YIPF6: variants seen among roughly 807,000 people sequenced by gnomAD.
YIPF6 encodes the protein protein YIPF6.
A neutral mutation model predicts 16.8 loss-of-function variants in YIPF6; 3 were observed. That is an observed-to-expected ratio of 0.18 (90% confidence interval 0.08 to 0.46). The LOEUF (loss-of-function observed/expected upper bound fraction) is 0.46. Ranked by LOEUF, YIPF6 falls within the 20% of genes least tolerant of loss-of-function variation. The pLI is 0.98. For synonymous variants in YIPF6, 67 were observed against 61.9 expected, an observed-to-expected ratio of 1.08 and a Z score of -0.38; for missense variants, 145 against 184.9, an observed-to-expected ratio of 0.78 and a Z score of 1.25.
intron 4 of YIPF6, 147 bp from the exon 5 acceptor site, chrX:68,521,225 C>A: frequency 1.5e-6 from 1 of 681,937 alleles, no homozygotes; most frequent in Non-Finnish European, 2.0e-6. Flanking sequence ...ATGCTTGTGT[C>A]ATTTTCCTTT....
chrX:68,516,166 C>T (rs890417210), intron 3 of YIPF6, among the ~76,000 whole-genome samples: 3 of 111,488 alleles, frequency 2.7e-5, no homozygotes, highest in Non-Finnish European at 5.7e-5. Context: ...TTTTTAGAGA[C>T]AGGGTCTTGC....
chrX:68,520,808 C>T (rs774959339), intron 4 of YIPF6, among the ~76,000 whole-genome samples: 1 of 111,111 alleles, frequency 9.0e-6, no homozygotes, highest in Admixed American at 9.7e-5. Context: ...AAATCTTAAC[C>T]CAAGAACTAC....
At chrX:68,521,604 C>T in intron 5 of YIPF6, 107 bp downstream of exon 5, 2 of 858,490 alleles carry the variant, frequency 2.3e-6, no homozygotes, top group South Asian at 5.3e-5. Context: ...GACAGGGTGT[C>T]ACTCTGTCAC....
Position 68,532,580 on chromosome X carries a change from G to A in YIPF6, c.*581G>A, listed in dbSNP as rs1294630432. 2 of 102,655 alleles carry A rather than the reference G, an allele frequency of 1.9e-5. No homozygotes were observed. The highest frequency in any genetic ancestry group is 3.9e-5 in the Non-Finnish European group (2 of 51,363). 8.5% of individuals were successfully genotyped at this position (102,655 alleles called of 1,213,427 possible). On this transcript the variant is annotated 3_prime_UTR_variant, in exon 7 of 7. Transcript: ENST00000462683. ...AACCAATATTCAGATTTTGATCAGG[G>A]GAAATTCTACACTTGTTGCAAAAAA...
chrX:68,499,176 T>A, intron 1 of YIPF6, 53 bp downstream of exon 1: 1 of 1,138,416 alleles, frequency 8.8e-7, no homozygotes, highest in East Asian at 3.4e-5. Flanking sequence ...GAGTGCCCCC[T>A]AAAGAAGTCG....
intron 4 of YIPF6, 117 bp downstream of exon 4, chrX:68,518,929 G>T (rs2079114839): frequency 1.4e-6 from 1 of 692,348 alleles, no homozygotes; most frequent in African/African-American, 2.3e-5. Context: ...ATGACATGTT[G>T]TACATGTTAT....
At chrX:68,503,330 G>A (rs539053430) in intron 1 of YIPF6, among the ~76,000 whole-genome samples, 33 of 112,060 alleles carry the variant, frequency 2.9e-4, no homozygotes, top group African/African-American at 1.1e-3. Flanking sequence ...TCCCCTTACT[G>A]GCCCAAGCCA....
rs902023806 is a variant in YIPF6, at chrX:68,533,773, G to C, written c.*1774G>C. Reference sequence around the variant, plus strand: ...TGAGTAAAGAAAATACTTTGGAACTGATCCTCATTTTGAAATTGGTTCTAA... The same window carrying C: ...TGAGTAAAGAAAATACTTTGGAACTCATCCTCATTTTGAAATTGGTTCTAA... On this transcript the variant is annotated 3_prime_UTR_variant, in exon 7 of 7. Coordinates refer to ENST00000462683, the MANE Select transcript of YIPF6 (RefSeq NM_173834.4). The C allele has an allele frequency of 8.9e-6, 1 of 112,170 alleles. No homozygotes were observed. The highest frequency in any genetic ancestry group is 1.9e-5 in the Non-Finnish European group (1 of 53,259). The allele number at this position is 112,170 out of a possible 1,213,427, so 9.2% of individuals were successfully genotyped here.
rs2079181453 is a variant in YIPF6, at chrX:68,533,925, A to G, written c.*1926A>G. On this transcript the variant is annotated 3_prime_UTR_variant, in exon 7 of 7. Coordinates refer to ENST00000462683, the MANE Select transcript of YIPF6 (RefSeq NM_173834.4). ...ATTAAAGAAGTAACCATGCTTCTCA[A>G]GGGGGAATTAAAAGTGTTTATTGAA... The G allele has an allele frequency of 8.9e-6, 1 of 112,358 alleles. No homozygotes were observed. The highest frequency in any genetic ancestry group is 1.9e-5 in the Non-Finnish European group (1 of 53,265). 9.3% of individuals were successfully genotyped at this position (112,358 alleles called of 1,213,427 possible). A position where few individuals can be genotyped will look rare whatever the true frequency, so the allele number is the denominator to read the frequency against.
At chrX:68,515,336 A>T (rs1392901308) in intron 3 of YIPF6, 2 of 97,442 alleles carry the variant, frequency 2.1e-5, no homozygotes, top group South Asian at 3.9e-4. Context: ...AAAAAAAAAA[A>T]AAATAAAAAA....
At chrX:68,499,149 G>A in intron 1 of YIPF6, 26 bp downstream of exon 1, 1 of 1,168,233 alleles carries the variant, frequency 8.6e-7, no homozygotes, top group Non-Finnish European at 1.1e-6. Flanking sequence ...GCGACAAAAG[G>A]GACCGAGGGT....
intron 1 of YIPF6, among the ~76,000 whole-genome samples, chrX:68,506,150 C>CT (rs1437472762): frequency 9.1e-6 from 1 of 110,418 alleles, no homozygotes; most frequent in Non-Finnish European, 1.9e-5. Context: ...CTACGTTTCT[C>CT]TAACAGGTAA....
rs996984564 is a variant in YIPF6 at position 68,506,902 on chromosome X, A to G, written c.58-4947A>G. On this transcript the variant is annotated intron_variant, in intron 1 of 6. Coordinates refer to ENST00000462683, the MANE Select transcript of YIPF6 (RefSeq NM_173834.4). Reference sequence around the variant, plus strand: ...CTAGCTGGAACTATAGGTGTGTGCCACAGTTCCCAAATTAGAATTCTGCTT... The same window carrying G: ...CTAGCTGGAACTATAGGTGTGTGCCGCAGTTCCCAAATTAGAATTCTGCTT... 4.7e-4 allele frequency among the ~76,000 whole-genome samples: 52 copies of G among 111,437 alleles called. No homozygotes were observed. In the Middle Eastern group the frequency reaches 0.013, roughly 27 times the overall value.
intron 3 of YIPF6, among the ~76,000 whole-genome samples, chrX:68,516,241 A>G (rs1440170472): frequency 1.8e-5 from 2 of 112,569 alleles, no homozygotes; most frequent in Non-Finnish European, 3.7e-5. Context: ...AAAGTATAAT[A>G]TAGTAAACAC....
At position 68,513,330 on chromosome X, in the gene YIPF6, C is replaced by T. The variant is rs2079088511; in HGVS notation, c.190C>T (p.Arg64Cys). The change falls in exon 3 of 7, where the codon CGT becomes TGT. Residue 64 changes from arginine to cysteine, a missense_variant. Arg to Cys is a radical substitution (Grantham distance 180, BLOSUM62 -3). Transcript: ENST00000462683. ...ACAAGTTGTTTCTGTCTTTCAGATGCGTGATCTAAAAGCTGTTGGGAAAAA... is the reference window on the plus strand; with the variant it reads ...ACAAGTTGTTTCTGTCTTTCAGATGTGTGATCTAAAAGCTGTTGGGAAAAA... Reference protein sequence around the residue: ...LNESVRNTIMRDLKAVGKKFM... With the variant: ...LNESVRNTIMCDLKAVGKKFM... 1.7e-6 allele frequency: 2 copies of T among 1,201,160 alleles called. No individual in the cohort carries two copies. Among genetic ancestry groups the T allele is most frequent in the South Asian group, 1.8e-5 (1 of 55,371 alleles).
chrX:68,522,596 G>A (rs971732177), intron 5 of YIPF6, among the ~76,000 whole-genome samples, 164 bp from the exon 6 acceptor site: 4 of 110,870 alleles, frequency 3.6e-5, no homozygotes, highest in Non-Finnish European at 3.8e-5. Flanking sequence ...GTGAGCCATC[G>A]CGCCCAGCCA....
rs1200863228 is a variant in YIPF6, at chrX:68,525,127, C to T, written c.592+2210C>T. On this transcript the variant is annotated intron_variant, in intron 6 of 6. Coordinates refer to ENST00000462683, the MANE Select transcript of YIPF6 (RefSeq NM_173834.4). ...CAACAGTGTAAAAATATTTCTATTT[C>T]TTCACATCCTCTCCAGCATCTGTTG... is the stretch of plus-strand genomic sequence containing the variant. 3.6e-5 allele frequency among the ~76,000 whole-genome samples: 4 copies of T among 112,230 alleles called. 1 individual carries two copies. The highest frequency in any genetic ancestry group is 1.3e-4 in the African/African-American group (4 of 30,863).
At chrX:68,513,266 TTAAG>T in intron 2 of YIPF6, 57 bp from the exon 3 acceptor site, 1 of 969,546 alleles carries the variant, frequency 1.0e-6, no homozygotes, top group Non-Finnish European at 1.4e-6. Flanking sequence ...TTTTAGCAAA[TTAAG>T]TAAGGCTGCT....
chrX:68,528,123 CTT>C (rs1170699787), intron 6 of YIPF6, among the ~76,000 whole-genome samples: 1 of 111,308 alleles, frequency 9.0e-6, no homozygotes, highest in African/African-American at 3.3e-5. Context: ...GTATAAGTCT[CTT>C]TGTAGGTCTT....
Sources: gnomAD v4.1 joint callset for allele counts (sites outside exome capture counted in the v4.1 genomes callset) on GRCh38, gnomAD v4.1.1 for gene constraint, MANE v1.5 for transcripts, NCBI Gene and HGNC (gene_info 2026-07-23, HGNC 2026-07-21) for gene names.